Variants in RUNDC3B observed in about 807,000 individuals in gnomAD.
RUNDC3B encodes RUN domain containing 3B.
In RUNDC3B, 33 loss-of-function variants were observed where a neutral mutation model predicts 58.4. The observed-to-expected ratio is 0.56, with a 90% CI of 0.43 to 0.75. The LOEUF (loss-of-function observed/expected upper bound fraction) is 0.75, where lower values mean the gene tolerates loss of function less well. RUNDC3B is among the 30% of genes least tolerant of loss of function. RUNDC3B has a pLI of 0.00. For synonymous variants in RUNDC3B, 193 were observed against 195.2 expected (o/e 0.99, Z 0.10); for missense variants, 501 against 535.7 (o/e 0.94, Z 0.64).
At chr7:87,722,944 A>T (rs1161910711) in intron 4 of RUNDC3B, among the ~76,000 whole-genome samples, 1 of 152,184 alleles carries the variant, frequency 6.6e-6, no homozygotes. Flanking sequence ...AAACAAACGC[A>T]TCTTACACTG....
intron 1 of RUNDC3B, among the ~76,000 whole-genome samples, chr7:87,642,032 G>A (rs913947812): frequency 1.3e-5 from 2 of 151,788 alleles, no homozygotes; most frequent in Non-Finnish European, 2.9e-5. Flanking sequence ...ATACGTGGAC[G>A]ATATGCTTTT....
intron 2 of RUNDC3B, among the ~76,000 whole-genome samples, chr7:87,697,106 C>A (rs907538163): frequency 1.3e-5 from 2 of 152,176 alleles, no homozygotes; most frequent in African/African-American, 2.4e-5. Flanking sequence ...AAACCATGTC[C>A]TATGCCAAAG....
chr7:87,671,311 G>A (rs1294125185), intron 2 of RUNDC3B, among the ~76,000 whole-genome samples: 1 of 152,204 alleles, frequency 6.6e-6, no homozygotes, highest in African/African-American at 2.4e-5. Context: ...TGCAGCGGCA[G>A]TCTCAGAGAG....
At chr7:87,700,026 G>A (rs1459953069) in intron 2 of RUNDC3B, among the ~76,000 whole-genome samples, 1 of 151,828 alleles carries the variant, frequency 6.6e-6, no homozygotes, top group Non-Finnish European at 1.5e-5. Flanking sequence ...TTTTTAAATA[G>A]AGAAAGGTTT....
intron 1 of RUNDC3B, among the ~76,000 whole-genome samples, chr7:87,641,404 C>T (rs1822438943): frequency 6.6e-6 from 1 of 152,166 alleles, no homozygotes; most frequent in East Asian, 1.9e-4. Flanking sequence ...AGGGACTGTG[C>T]TGAATCCAGA....
At chr7:87,694,254 G>T (rs1215107543) in intron 2 of RUNDC3B, among the ~76,000 whole-genome samples, 1 of 152,126 alleles carries the variant, frequency 6.6e-6, no homozygotes, top group African/African-American at 2.4e-5. Flanking sequence ...GAAGCTGTAT[G>T]AATATTCCAG....
At chr7:87,753,120 T>G (rs1833124950) in intron 6 of RUNDC3B, among the ~76,000 whole-genome samples, 1 of 152,052 alleles carries the variant, frequency 6.6e-6, no homozygotes, top group African/African-American at 2.4e-5. Flanking sequence ...TCTGCCTTCA[T>G]TTCGTTATGT....
At chr7:87,664,866 C>A (rs1341080875) in intron 2 of RUNDC3B, among the ~76,000 whole-genome samples, 1 of 152,072 alleles carries the variant, frequency 6.6e-6, no homozygotes, top group East Asian at 1.9e-4. Context: ...TTTATAGATT[C>A]AAGAAGCTTA....
intron 8 of RUNDC3B, among the ~76,000 whole-genome samples, chr7:87,789,553 A>C (rs1263782744): frequency 6.6e-6 from 1 of 152,206 alleles, no homozygotes; most frequent in Non-Finnish European, 1.5e-5. Flanking sequence ...GTTTCTACTC[A>C]TCTGGTCATG....
At chr7:87,707,431 T>TGG (rs1304054889) in intron 3 of RUNDC3B, among the ~76,000 whole-genome samples, 3 of 152,176 alleles carry the variant, frequency 2.0e-5, no homozygotes, top group African/African-American at 7.2e-5. Flanking sequence ...CCCAGCACTT[T>TGG]GGGAGACCAA....
At chr7:87,702,240 A>G (rs995738938) in intron 3 of RUNDC3B, among the ~76,000 whole-genome samples, 2 of 137,432 alleles carry the variant, frequency 1.5e-5, no homozygotes, top group African/African-American at 2.7e-5. Context: ...TGTGTTATTT[A>G]TGTTAACAGG....
chr7:87,775,926 A>G (rs1048726517), intron 7 of RUNDC3B, among the ~76,000 whole-genome samples: 1 of 152,284 alleles, frequency 6.6e-6, no homozygotes, highest in Non-Finnish European at 1.5e-5. Flanking sequence ...CATTTCTCAG[A>G]ACATATCCCC....
chr7:87,649,024 T>C (rs1343982519), intron 1 of RUNDC3B, among the ~76,000 whole-genome samples: 2 of 152,158 alleles, frequency 1.3e-5, no homozygotes, highest in East Asian at 1.9e-4. Flanking sequence ...TAAAAAAAGC[T>C]TGTACTCTTT....
At chr7:87,749,227 A>G (rs1205483925) in intron 6 of RUNDC3B, among the ~76,000 whole-genome samples, 1 of 152,228 alleles carries the variant, frequency 6.6e-6, no homozygotes, top group African/African-American at 2.4e-5. Flanking sequence ...TTCCTCTCCT[A>G]CTTACATGTA....
intron 9 of RUNDC3B, among the ~76,000 whole-genome samples, 187 bp from the exon 10 acceptor site, chr7:87,815,954 C>A (rs759902400): frequency 6.6e-6 from 1 of 151,776 alleles, no homozygotes; most frequent in African/African-American, 2.4e-5. Flanking sequence ...AACAGATATG[C>A]CTTGAAAGAT....
intron 2 of RUNDC3B, among the ~76,000 whole-genome samples, chr7:87,671,448 G>A (rs923562782): frequency 1.3e-5 from 2 of 152,138 alleles, no homozygotes; most frequent in Non-Finnish European, 2.9e-5. Context: ...TCTGAGAATG[G>A]GCACCTACTT....
intron 10 of RUNDC3B, among the ~76,000 whole-genome samples, chr7:87,818,418 C>CCAGT (rs1837197887): frequency 6.6e-6 from 1 of 152,136 alleles, no homozygotes; most frequent in Admixed American, 6.6e-5. Context: ...CTACAAAAAA[C>CCAGT]TGGTGATCAG....
At chr7:87,644,728 A>AT (rs1000210725) in intron 1 of RUNDC3B, among the ~76,000 whole-genome samples, 1 of 151,732 alleles carries the variant, frequency 6.6e-6, no homozygotes, top group Non-Finnish European at 1.5e-5. Flanking sequence ...TAGGAATATA[A>AT]TTTTTTTTAC....
chr7:87,821,870 C>G lies in RUNDC3B; in HGVS notation c.1225+5608C>G, dbSNP rs201355362. ...AAGCTGAAACTGGATCCCTTCCTTA[C>G]ACCTTATACAAAAATTAATTCAAGA... is the stretch of plus-strand genomic sequence containing the variant. On this transcript the variant is annotated intron_variant, in intron 10 of 10. Transcript: ENST00000394654. 2.8e-3 allele frequency among the ~76,000 whole-genome samples: 422 copies of G among 152,248 alleles called. 6 individuals are homozygous for G. The East Asian group carries it at 0.049, about 18-fold the overall frequency.
Sources: allele counts gnomAD v4.1 joint callset (sites outside exome capture counted in the v4.1 genomes callset), GRCh38; gene constraint gnomAD v4.1.1; transcripts MANE v1.5; gene names NCBI Gene and HGNC (gene_info 2026-07-23, HGNC 2026-07-21).